ARRDC2: variants seen among roughly 807,000 people sequenced by gnomAD.
ARRDC2 encodes the protein arrestin domain-containing protein 2.
Under a neutral mutation model 38.9 loss-of-function variants are expected in ARRDC2, and 39 were observed. The observed-to-expected ratio is 1.00, with a 90% CI of 0.78 to 1.31. The LOEUF is 1.31. Ranked by LOEUF, ARRDC2 falls within the 50% of genes most tolerant of loss-of-function variation. The pLI is 0.00. For missense variants in ARRDC2, 553 were observed against 588.4 expected (o/e 0.94, Z 0.62); for synonymous variants, 300 against 261.9 (o/e 1.15, Z -1.41).
Position 18,009,971 on chromosome 19 carries a change from C to G in ARRDC2, c.781C>G (p.Leu261Val). The change falls in exon 5 of 8, where the codon CTG becomes GTG. Residue 261 changes from leucine (L) to valine (V), a missense_variant. Leu to Val is a conservative substitution (Grantham distance 32). This residue lies in a region of ARRDC2 where 447 missense variants were observed against 456.6 expected (regional missense o/e 0.98). Coordinates refer to ENST00000222250, the MANE Select transcript of ARRDC2 (RefSeq NM_015683.2). ...GQRALWQGRA[L>V]RIPPVGPSIL... ...GCGGGCGCTGTGGCAGGGCCGGGCA[C>G]TGCGGATCCCCCCAGTGGGTCCTTC... 6.2e-7 allele frequency: 1 copy of G among 1,603,490 alleles called. No individual in the cohort carries two copies. The highest frequency in any genetic ancestry group is 8.5e-7 in the Non-Finnish European group (1 of 1,179,678).
chr19:18,005,922 G>A (rs1326006022), upstream of ARRDC2, among the ~76,000 whole-genome samples: 3 of 150,582 alleles, frequency 2.0e-5, no homozygotes, highest in African/African-American at 7.3e-5. Flanking sequence ...GGGCGGCCGG[G>A]CAGAGACGCT....
upstream of ARRDC2, chr19:18,008,119 C>T (rs1162529055): frequency 5.7e-6 from 3 of 530,444 alleles, no homozygotes; most frequent in South Asian, 2.1e-5. Flanking sequence ...GACGGTGACC[C>T]CACCCCCCCC....
In ARRDC2 at chr19:18,012,950, G is replaced by T; in HGVS notation, c.1208G>T (p.Arg403Leu). 1 of 1,613,922 alleles carries T rather than the reference G, an allele frequency of 6.2e-7. No homozygotes were observed. Among genetic ancestry groups the T allele is most frequent in the Non-Finnish European group, 8.5e-7 (1 of 1,179,956 alleles). Residue 403 changes from arginine to leucine, a missense_variant, in exon 8 of 8, where the codon CGC (arginine) becomes CTC (leucine). By Grantham distance (102) the Arg-to-Leu change is moderately radical. Transcript: ENST00000222250. Reference sequence around the variant, plus strand: ...CCACTCTTGGGGGACATGAGGCCGCGCTGCATGACTTGCTGAACGGCACAG... The same window carrying T: ...CCACTCTTGGGGGACATGAGGCCGCTCTGCATGACTTGCTGAACGGCACAG... ...PNPLLGDMRP[R>L]CMTC
chr19:18,011,412 C>T (rs8104341), intron 7 of ARRDC2, among the ~76,000 whole-genome samples: 5,450 of 152,192 alleles, frequency 0.036, 308 homozygotes, highest in African/African-American at 0.12. Context: ...GGATTACAGG[C>T]GTCAGCCACT....
chr19:18,010,283 C>T lies in ARRDC2; in HGVS notation c.937C>T (p.Arg313Cys), dbSNP rs775312112. The change falls in exon 6 of 8, where the codon CGT becomes TGT. Residue 313 changes from arginine to cysteine, a missense_variant. Arg to Cys is a radical substitution (Grantham distance 180). Around this residue, in one of 3 missense-constraint regions of ARRDC2, gnomAD observed 447 missense variants for 456.6 expected, o/e 0.98. Transcript: ENST00000222250. ...CATTCCCTTGCACCCTTTTGGCAGC[C>T]GTTCCTCCAGCGTGGGCAGCCACGC... is the stretch of plus-strand genomic sequence containing the variant. ...GTIPLHPFGS[R>C]SSSVGSHASF... The T allele has an allele frequency of 3.7e-6, 6 of 1,613,620 alleles. No individual in the cohort carries two copies. The highest frequency in any genetic ancestry group is 4.2e-6 in the Non-Finnish European group (5 of 1,180,012).
Position 18,013,136 on chromosome 19 carries a change from C to A in ARRDC2, c.*170C>A, listed in dbSNP as rs1215351287. ...GATATCACATGGGACAGAGGAAGAG[C>A]CCGGCTGGAATCTGACTTACCTGGA... is the stretch of plus-strand genomic sequence containing the variant. On this transcript the variant is annotated 3_prime_UTR_variant, in exon 8 of 8. Transcript: ENST00000222250. The A allele has an allele frequency of 9.1e-6, 6 of 662,978 alleles. No homozygotes were observed. In the African/African-American group the frequency reaches 1.1e-4, roughly 12 times the overall value. 41.1% of individuals were successfully genotyped at this position (662,978 alleles called of 1,614,324 possible).
Position 18,008,254 on chromosome 19 carries a change from C to T in ARRDC2, c.-57C>T. 6.4e-7 allele frequency: 1 copy of T among 1,563,818 alleles called. No homozygotes were observed. Among genetic ancestry groups the T allele is most frequent in the South Asian group, 1.1e-5 (1 of 87,558 alleles). On this transcript the variant is annotated 5_prime_UTR_variant, in exon 1 of 8. Transcript: ENST00000222250. ...GCTGCAGCGTCGGCATCTTGAGCTGCCGGTTCGCGAGTTCGAGGCCAGGTT... is the reference window on the plus strand; with the variant it reads ...GCTGCAGCGTCGGCATCTTGAGCTGTCGGTTCGCGAGTTCGAGGCCAGGTT...
chr19:18,011,934 G>GTATATATATATATA (rs780182812), intron 7 of ARRDC2, among the ~76,000 whole-genome samples: 2 of 68,384 alleles, frequency 2.9e-5, no homozygotes, highest in African/African-American at 1.0e-4. Flanking sequence ...GTGTATATGT[G>GTATATATATATATA]TATATATATA....
exon 1 of ARRDC2, chr19:18,001,506 C>T: frequency 1.4e-6 from 2 of 1,381,344 alleles, no homozygotes; most frequent in Non-Finnish European, 1.9e-6. Flanking sequence ...GCGTGGGCGT[C>T]AACGCCGTAT....
upstream of ARRDC2, among the ~76,000 whole-genome samples, chr19:18,003,228 G>C (rs1441563232): frequency 1.3e-5 from 2 of 152,124 alleles, no homozygotes; most frequent in Non-Finnish European, 2.9e-5. Flanking sequence ...GGCCAGCCTG[G>C]GCAACATAAT....
At chr19:18,010,060 T>C in intron 5 of ARRDC2, 21 bp downstream of exon 5, 1 of 1,604,012 alleles carries the variant, frequency 6.2e-7, no homozygotes, top group Non-Finnish European at 8.5e-7. Flanking sequence ...CTGCTGGCCC[T>C]GGGGGACAGT....
upstream of ARRDC2, chr19:18,007,640 T>C (rs1357365770): frequency 6.5e-6 from 1 of 154,040 alleles, no homozygotes; most frequent in South Asian, 1.9e-4. Context: ...AGCCACCAGC[T>C]AAGCGGGACT....
chr19:18,010,874 G>A (rs1454012107), intron 7 of ARRDC2, 145 bp downstream of exon 7: 3 of 898,954 alleles, frequency 3.3e-6, no homozygotes, highest in Non-Finnish European at 4.9e-6. Flanking sequence ...GAGTGCAGTG[G>A]CATAATCATA....
chr19:18,012,890 C>A lies in ARRDC2; in HGVS notation c.1171-23C>A, dbSNP rs761204191. 8 of 1,610,348 alleles carry A rather than the reference C, an allele frequency of 5.0e-6. No individual in the cohort carries two copies. In the Admixed American group the frequency reaches 1.3e-4, roughly 27 times the overall value. Reference sequence around the variant, plus strand: ...TTTCTGTTTCCAGTGTTCTCTGAGGCTTAATGGGAACATTTCTCTTAGGAG... The same window carrying A: ...TTTCTGTTTCCAGTGTTCTCTGAGGATTAATGGGAACATTTCTCTTAGGAG... On this transcript the variant is annotated intron_variant, in intron 7 of 7. Coordinates refer to ENST00000222250, the MANE Select transcript of ARRDC2 (RefSeq NM_015683.2).
chr19:18,009,884 G>T lies in ARRDC2; in HGVS notation c.694G>T (p.Ala232Ser). 2 of 1,610,818 alleles carry T rather than the reference G, an allele frequency of 1.2e-6. No individual in the cohort carries two copies. Among genetic ancestry groups the T allele is most frequent in the Non-Finnish European group, 1.7e-6 (2 of 1,179,728 alleles). ...GACACAGACGTTCATGGCCCGAGGCGCCCGAAAGCAGAAACGGGCAGTGGT... is the reference window on the plus strand; with the variant it reads ...GACACAGACGTTCATGGCCCGAGGCTCCCGAAAGCAGAAACGGGCAGTGGT... ...VQTQTFMARG[A>S]RKQKRAVVAS... is the part of the protein sequence containing the mutation. Residue 232 changes from alanine (A) to serine (S), a missense_variant, in exon 5 of 8, where the codon GCC becomes TCC. By Grantham distance (99) the Ala-to-Ser change is moderately conservative. Around this residue, in one of 3 missense-constraint regions of ARRDC2, gnomAD observed 447 missense variants for 456.6 expected, o/e 0.98. Transcript: ENST00000222250.
chr19:18,010,587 C>T lies in ARRDC2; in HGVS notation c.1028C>T (p.Ser343Leu), dbSNP rs746523914. 2.5e-6 allele frequency: 4 copies of T among 1,613,696 alleles called. No homozygotes were observed. Among genetic ancestry groups the T allele is most frequent in the South Asian group, 1.1e-5 (1 of 91,076 alleles). Residue 343 changes from serine to leucine, a missense_variant, in exon 7 of 8, where the codon TCG becomes TTG. Around this residue, in one of 3 missense-constraint regions of ARRDC2, gnomAD observed 100 missense variants for 107.6 expected, o/e 0.93. Transcript: ENST00000222250. ...PERPEAPPEY[S>L]EVVADTEEAA... ...TCGCTTCCAGCTCCTCCTGAGTACT[C>T]GGAGGTGGTAGCCGACACTGAGGAG... is the stretch of plus-strand genomic sequence containing the variant.
chr19:18,001,516 TC>T lies in ARRDC2; in HGVS notation c.204del (p.Ser69AlafsTer44). 7.2e-7 allele frequency: 1 copy of T among 1,390,108 alleles called. No homozygotes were observed. The highest frequency in any genetic ancestry group is 9.4e-7 in the Non-Finnish European group (1 of 1,068,942). The allele number at this position is 1,390,108 out of a possible 1,614,324, so 86.1% of individuals were successfully genotyped here. On this transcript the variant is annotated frameshift_variant, in exon 1 of 8. Coordinates refer to the ARRDC2 transcript ENST00000379656. LOFTEE classifies it high-confidence loss of function. ...TCGCAGCGTGGGCGTCAACGCCGTA[TC>T]CAGCGACTACGCGGCCGCGGAGACC...
upstream of ARRDC2, chr19:18,008,075 C>A: frequency 2.6e-6 from 3 of 1,167,036 alleles, no homozygotes; most frequent in South Asian, 5.0e-5. Context: ...CCTTGTCGCG[C>A]TATTGGTGGA....
rs17852062 is a variant in ARRDC2 at position 18,009,677 on chromosome 19, G to A, written c.575G>A (p.Arg192His). The A allele has an allele frequency of 8.7e-6, 14 of 1,611,070 alleles. No homozygotes were observed. Among genetic ancestry groups the A allele is most frequent in the African/African-American group, 4.0e-5 (3 of 74,984 alleles). ...GLVSLSAKID[R>H]KGYTPGEVIP... is the part of the protein sequence containing the mutation. ...GTCTCCCTTTCGGCCAAGATCGACC[G>A]CAAGGGCTACACCCCAGGTAGCAGG... The change falls in exon 4 of 8, where the codon CGC becomes CAC. Residue 192 changes from arginine to histidine, a missense_variant. By Grantham distance (29) the Arg-to-His change is conservative (BLOSUM62 0). Transcript: ENST00000222250.
Sources: gnomAD v4.1 joint callset for allele counts (sites outside exome capture counted in the v4.1 genomes callset) on GRCh38, gnomAD v4.1.1 for gene constraint, gnomAD v4.1.1 regional missense constraint, MANE v1.5 for transcripts, NCBI Gene and HGNC (gene_info 2026-07-23, HGNC 2026-07-21) for gene names.